Variants in ZNF512B observed in about 807,000 individuals in gnomAD.
ZNF512B encodes zinc finger protein 512B.
A neutral mutation model predicts 87.8 loss-of-function variants in ZNF512B; 22 were observed. The ratio of observed to expected loss-of-function variants is 0.25; its 90% CI spans 0.18 to 0.36. ZNF512B has a LOEUF of 0.36. ZNF512B is among the 10% of genes least tolerant of loss of function. The pLI is 1.00. For missense variants in ZNF512B, 1,060 were observed against 1,231.6 expected (o/e 0.86, Z 2.09); for synonymous variants, 524 against 490.9 (o/e 1.07, Z -0.89).
rs1346446558 is a variant in ZNF512B at position 63,959,629 on chromosome 20, T to C, written c.*259A>G. 5 of 497,040 alleles carry C rather than the reference T, an allele frequency of 1.0e-5. No individual in the cohort carries two copies. Among genetic ancestry groups the C allele is most frequent in the African/African-American group, 2.0e-5 (1 of 50,268 alleles). The allele number at this position is 497,040 out of a possible 1,614,324, so 30.8% of individuals were successfully genotyped here. A position where few individuals can be genotyped will look rare whatever the true frequency, so the allele number is the denominator to read the frequency against. ...CACCAAGACCCCAGACACATTCCCA[T>C]GAGGAGGGGCAACCCTCCTGGCTAT... On this transcript the variant is annotated 3_prime_UTR_variant, in exon 17 of 17. Coordinates refer to ENST00000369888, the MANE Select transcript of ZNF512B (RefSeq NM_020713.3).
rs779508204 is a variant in ZNF512B, at chr20:63,963,164, G to T, written c.1899C>A (p.Thr633=). ...CEVDSPSFPC[T]HCGKTYRSKA... ...TGGATCGGTACGTCTTGCCACAGTGGGTGCAGGGGAAGGAGGGGCTGTCCA... is the reference window on the plus strand; with the variant it reads ...TGGATCGGTACGTCTTGCCACAGTGTGTGCAGGGGAAGGAGGGGCTGTCCA... The change falls in exon 12 of 17, where the codon ACC becomes ACA. Residue 633 remains threonine, a synonymous_variant. Coordinates refer to ENST00000369888, the MANE Select transcript of ZNF512B (RefSeq NM_020713.3). 6.5e-7 allele frequency: 1 copy of T among 1,549,914 alleles called. No homozygotes were observed. The highest frequency in any genetic ancestry group is 2.4e-5 in the East Asian group (1 of 41,654).
rs1389274187 is a variant in ZNF512B at position 63,961,913 on chromosome 20, C to T, written c.2328+29G>A. The T allele has an allele frequency of 6.4e-7, 1 of 1,550,410 alleles. No individual in the cohort carries two copies. The highest frequency in any genetic ancestry group is 8.7e-7 in the Non-Finnish European group (1 of 1,146,586). Reference sequence around the variant, plus strand: ...GCTGGGAGCTCTGAGTGCAGCGCACCTGGCCGTGGGGCAGGCCCCAGAACT... The same window carrying T: ...GCTGGGAGCTCTGAGTGCAGCGCACTTGGCCGTGGGGCAGGCCCCAGAACT... On this transcript the variant is annotated intron_variant, in intron 15 of 16. Transcript: ENST00000369888. This position sits in a 1 kb window ranked among gnomAD's most constrained non-coding sequence, Gnocchi z 6.4.
chr20:63,963,607 C>T lies in ZNF512B; in HGVS notation c.1698+11G>A, dbSNP rs746840727. ...GGTCACGCTGGACGGGAGCTGGGGG[C>T]CCGACGGTACCTTGGCACTGTGCTC... On this transcript the variant is annotated intron_variant, in intron 10 of 16. Coordinates refer to ENST00000369888, the MANE Select transcript of ZNF512B (RefSeq NM_020713.3). The T allele has an allele frequency of 2.5e-5, 41 of 1,612,946 alleles. No individual in the cohort carries two copies. The South Asian group carries it at 4.4e-4, about 17-fold the overall frequency.
At position 63,961,287 on chromosome 20, in the gene ZNF512B, G is replaced by A; in HGVS notation, c.2427+22C>T. 1 of 1,609,554 alleles carries A rather than the reference G, an allele frequency of 6.2e-7. No individual in the cohort carries two copies. On this transcript the variant is annotated intron_variant, in intron 16 of 16. Transcript: ENST00000369888. This position sits in a 1 kb window ranked among gnomAD's most constrained non-coding sequence, Gnocchi z 6.4. ...CTCCTGGGCTAGCCCCCAGCCACAG[G>A]CCCTGGTGATGGCCCTCGCACCTCT...
chr20:63,962,442 G>A, intron 13 of ZNF512B, 68 bp from the exon 14 acceptor site: 17 of 1,558,172 alleles, frequency 1.1e-5, no homozygotes, highest in Non-Finnish European at 1.3e-5. Context: ...AAGAACACTC[G>A]CCTCGGCAGC....
chr20:63,968,185 G>A (rs1044398668), intron 1 of ZNF512B, among the ~76,000 whole-genome samples: 12 of 152,206 alleles, frequency 7.9e-5, no homozygotes, highest in Admixed American at 4.6e-4. Flanking sequence ...AGTTTGATAG[G>A]ATCTAGTCCT....
intron 14 of ZNF512B, 56 bp downstream of exon 14, chr20:63,962,217 C>T: frequency 6.5e-7 from 1 of 1,528,846 alleles, no homozygotes; most frequent in African/African-American, 1.4e-5. Context: ...AGGGCCACAC[C>T]CAGGCTCTGG....
chr20:63,969,876 G>C lies in ZNF512B; in HGVS notation c.-65C>G, dbSNP rs969205514. Reference sequence around the variant, plus strand: ...GGCCGGGGCGGGGGGCGCGGGGCGCGGGGCGCTGGGTCCGGGCGGCGCAGG... The same window carrying C: ...GGCCGGGGCGGGGGGCGCGGGGCGCCGGGCGCTGGGTCCGGGCGGCGCAGG... On this transcript the variant is annotated 5_prime_UTR_variant, in exon 1 of 17. Transcript: ENST00000369888. The C allele has an allele frequency of 1.4e-5, 2 of 145,884 alleles. 1 individual carries two copies. Among genetic ancestry groups the C allele is most frequent in the South Asian group, 4.1e-4 (2 of 4,904 alleles). The allele number at this position is 145,884 out of a possible 1,614,324, so 9.0% of individuals were successfully genotyped here.
chr20:63,969,240 G>A (rs775061702), intron 1 of ZNF512B: 554 of 954,440 alleles, frequency 5.8e-4, no homozygotes, highest in Non-Finnish European at 6.7e-4. Flanking sequence ...TTTTTCTGAA[G>A]CCTGGGAGAA....
rs1168206036 is a variant in ZNF512B at position 63,959,158 on chromosome 20, A to C, written c.*730T>G. 1 of 152,652 alleles carries C rather than the reference A, an allele frequency of 6.6e-6. No homozygotes were observed. The allele number at this position is 152,652 out of a possible 1,614,324, so 9.5% of individuals were successfully genotyped here. On this transcript the variant is annotated 3_prime_UTR_variant, in exon 17 of 17. Transcript: ENST00000369888. The stretch of plus-strand genomic sequence containing the variant: ...GCTTCTGCTGCCCTGTAGGTACAAG[A>C]AGCAAAACCCCTCCCTTGCCCCAAG...
rs914612340 is a variant in ZNF512B at position 63,969,861 on chromosome 20, G to C, written c.-50C>G. 3.5e-5 allele frequency: 5 copies of C among 144,202 alleles called. No individual in the cohort carries two copies. Among genetic ancestry groups the C allele is most frequent in the African/African-American group, 9.9e-5 (4 of 40,268 alleles). The allele number at this position is 144,202 out of a possible 1,614,324, so 8.9% of individuals were successfully genotyped here. On this transcript the variant is annotated 5_prime_UTR_variant, in exon 1 of 17. Coordinates refer to ENST00000369888, the MANE Select transcript of ZNF512B (RefSeq NM_020713.3). ...GGCCGGGCCGGGCCGGGCCGGGGCG[G>C]GGGGCGCGGGGCGCGGGGCGCTGGG...
In ZNF512B at chr20:63,963,678, C is replaced by T. The variant is rs746893979; in HGVS notation, c.1638G>A (p.Arg546=). The part of the protein sequence containing the change: ...LQDALKCQHC[R]KQFKSKAGLN... ...GGCCGGCTTTGGACTTGAACTGCTT[C>T]CGGCAGTGCTGGCACTTGAGTGCAT... is the stretch of plus-strand genomic sequence containing the variant. Residue 546 remains arginine (R), a synonymous_variant, in exon 10 of 17, where the codon CGG becomes CGA. Coordinates refer to ENST00000369888, the MANE Select transcript of ZNF512B (RefSeq NM_020713.3). 1.2e-6 allele frequency: 2 copies of T among 1,613,586 alleles called. No individual in the cohort carries two copies. The highest frequency in any genetic ancestry group is 1.7e-6 in the Non-Finnish European group (2 of 1,180,024).
rs759937164 is a variant in ZNF512B, at chr20:63,963,088, C to T, written c.1968+7G>A. 6.5e-7 allele frequency: 1 copy of T among 1,548,520 alleles called. No homozygotes were observed. The highest frequency in any genetic ancestry group is 1.9e-5 in the Admixed American group (1 of 53,836). ...AGCACTGTGCCACAGAACAGAGAGC[C>T]ACTCACGGGGGCCGTGTGCTCCGAG... On this transcript the variant is annotated splice_region_variant and intron_variant, in intron 12 of 16. Transcript: ENST00000369888.
intron 1 of ZNF512B, among the ~76,000 whole-genome samples, chr20:63,968,539 CTT>C (rs1276832901): frequency 4.6e-5 from 7 of 152,232 alleles, no homozygotes; most frequent in Admixed American, 4.6e-4. Flanking sequence ...CCCTTGGAAT[CTT>C]CTCTCCAGAC....
At chr20:63,960,549 C>A (rs1160427004) in intron 16 of ZNF512B, among the ~76,000 whole-genome samples, 12 of 100,242 alleles carry the variant, frequency 1.2e-4, no homozygotes, top group South Asian at 4.2e-4. Context: ...AGGCACCTGC[C>A]GCAGGGCTGG....
rs2058818742 is a variant in ZNF512B, at chr20:63,958,533, C to T, written c.*1355G>A. ...GAGCCCTCAGCCCACTCCCACCCAC[C>T]CTGGAAAATGGCCTCCCTCCAAACC... On this transcript the variant is annotated 3_prime_UTR_variant, in exon 17 of 17. Coordinates refer to ENST00000369888, the MANE Select transcript of ZNF512B (RefSeq NM_020713.3). The T allele has an allele frequency of 6.6e-6, 1 of 152,176 alleles. No homozygotes were observed. Among genetic ancestry groups the T allele is most frequent in the Non-Finnish European group, 1.5e-5 (1 of 68,030 alleles). 9.4% of individuals were successfully genotyped at this position (152,176 alleles called of 1,614,324 possible). A position where few individuals can be genotyped will look rare whatever the true frequency, so the allele number is the denominator to read the frequency against.
chr20:63,966,879 T>C lies in ZNF512B; in HGVS notation c.390A>G (p.Gln130=). 6.2e-7 allele frequency: 1 copy of C among 1,613,762 alleles called. No homozygotes were observed. Among genetic ancestry groups the C allele is most frequent in the South Asian group, 1.1e-5 (1 of 91,086 alleles). The stretch of plus-strand genomic sequence containing the variant: ...CCCCCGACCCACAGTCCCTTACCCC[T>C]TGGCACCGCTGGTAATGGTACTTGA... ...YGLKYHYQRC[Q]GGAISDRLAF... Residue 130 remains glutamine (Q), a synonymous_variant, in exon 4 of 17, where the codon CAA becomes CAG. Coordinates refer to ENST00000369888, the MANE Select transcript of ZNF512B (RefSeq NM_020713.3).
At chr20:63,967,754 C>T in intron 2 of ZNF512B, 76 bp downstream of exon 2, 4 of 1,566,080 alleles carry the variant, frequency 2.6e-6, no homozygotes, top group Non-Finnish European at 3.5e-6. Context: ...AGACAGGACG[C>T]CCAGGGCAAT....
chr20:63,966,937 C>G lies in ZNF512B; in HGVS notation c.332G>C (p.Gly111Ala). 6.2e-7 allele frequency: 1 copy of G among 1,613,842 alleles called. No individual in the cohort carries two copies. Among genetic ancestry groups the G allele is most frequent in the East Asian group, 2.2e-5 (1 of 44,882 alleles). ...AHSRVKCPNS[G>A]CWLEFPSIYG... Reference sequence around the variant, plus strand: ...GATGCTGGGGAACTCCAGCCAGCACCCTGAGTTTGGACACTTCACCCTCGA... The same window carrying G: ...GATGCTGGGGAACTCCAGCCAGCACGCTGAGTTTGGACACTTCACCCTCGA... The change falls in exon 4 of 17, where the codon GGG becomes GCG. Residue 111 changes from glycine (G) to alanine (A), a missense_variant. Gly to Ala is a moderately conservative substitution (Grantham distance 60). This residue lies in a region of ZNF512B where 134 missense variants were observed against 153.6 expected (regional missense o/e 0.87). Coordinates refer to ENST00000369888, the MANE Select transcript of ZNF512B (RefSeq NM_020713.3).
Sources: allele counts gnomAD v4.1 joint callset (sites outside exome capture counted in the v4.1 genomes callset), GRCh38; gene constraint gnomAD v4.1.1; regional missense constraint gnomAD v4.1.1; non-coding constraint Gnocchi (gnomAD v3.1); transcripts MANE v1.5; gene names NCBI Gene and HGNC (gene_info 2026-07-23, HGNC 2026-07-21).